ULK4: variants seen among roughly 807,000 people sequenced by gnomAD.
The protein encoded by ULK4 is inactive serine/threonine-protein kinase ULK4.
ULK4 carries 133 observed loss-of-function variants against 160.6 expected under a neutral mutation model. The observed-to-expected ratio is 0.83, with a 90% CI of 0.72 to 0.96. The LOEUF (loss-of-function observed/expected upper bound fraction) is 0.96. Ranked by LOEUF, ULK4 falls within the 40% of genes least tolerant of loss-of-function variation. The probability of loss-of-function intolerance (pLI) is 0.00; values close to 1 mark genes in which losing one functional copy is unlikely to be tolerated. For synonymous variants in ULK4, 534 were observed against 539.8 expected (o/e 0.99, Z 0.15); for missense variants, 1,580 against 1,499.5 (o/e 1.05, Z -0.89).
At chr3:41,824,533 C>T (rs1038421521) in intron 18 of ULK4, among the ~76,000 whole-genome samples, 10 of 152,298 alleles carry the variant, frequency 6.6e-5, no homozygotes, top group Admixed American at 5.9e-4. Context: ...ACGCCTGGCT[C>T]GGAGGGTCCT....
chr3:41,942,778 T>G (rs1006895398), intron 2 of ULK4, among the ~76,000 whole-genome samples: 1 of 151,968 alleles, frequency 6.6e-6, no homozygotes, highest in Non-Finnish European at 1.5e-5. Flanking sequence ...ATGGTGCCAT[T>G]GCACTCCAGT....
intron 12 of ULK4, among the ~76,000 whole-genome samples, chr3:41,906,284 G>C (rs1452561705): frequency 6.7e-6 from 1 of 149,872 alleles, no homozygotes; most frequent in African/African-American, 2.5e-5. Flanking sequence ...CAGCACTCTG[G>C]GAGGCTGAGA....
chr3:41,491,388 G>A (rs1174273555), intron 32 of ULK4, among the ~76,000 whole-genome samples: 7 of 152,134 alleles, frequency 4.6e-5, no homozygotes, highest in African/African-American at 7.2e-5. Context: ...CAATGACCAC[G>A]ACCATATATC....
rs192180232 is a variant in ULK4, at chr3:41,351,514, C to T, written c.3678+46565G>A. On this transcript the variant is annotated intron_variant, in intron 35 of 36. Coordinates refer to ENST00000301831, the MANE Select transcript of ULK4 (RefSeq NM_017886.4). ...TCTGAAATACTGAAAATTAGAACCT[C>T]CAGGGATTCCACAGTGGTTGGTATT... is the stretch of plus-strand genomic sequence containing the variant. 4.8e-3 allele frequency among the ~76,000 whole-genome samples: 727 copies of T among 152,326 alleles called. 7 individuals are homozygous for T. The highest frequency in any genetic ancestry group is 0.017 in the Middle Eastern group (5 of 294).
intron 35 of ULK4, among the ~76,000 whole-genome samples, chr3:41,312,879 GT>G (rs967073668): frequency 2.0e-5 from 3 of 152,156 alleles, no homozygotes; most frequent in African/African-American, 7.2e-5. Flanking sequence ...CCCCAGGAGG[GT>G]TTTTTTCTAG....
rs201424516 is a variant in ULK4, at chr3:41,961,550, A to ACCCCCC, written c.-49+460_-49+465dup. 1.4e-3 allele frequency among the ~76,000 whole-genome samples: 176 copies of ACCCCCC among 124,450 alleles called. 32 individuals are homozygous for ACCCCCC. Among genetic ancestry groups the ACCCCCC allele is most frequent in the African/African-American group, 6.0e-3 (140 of 23,308 alleles). 81.6% of individuals were successfully genotyped at this position (124,450 alleles called of 152,430 possible). A position where few individuals can be genotyped will look rare whatever the true frequency, so the allele number is the denominator to read the frequency against. ...ACTCAGGGGCGCTACGTAGTCACTC[A>ACCCCCC]CCCCCCCCCCCCCCCCCCCCGCTCC... On this transcript the variant is annotated intron_variant, in intron 1 of 36. Transcript: ENST00000301831.
At chr3:41,447,458 G>A (rs139800841) in intron 34 of ULK4, among the ~76,000 whole-genome samples, 1 of 151,984 alleles carries the variant, frequency 6.6e-6, no homozygotes, top group Non-Finnish European at 1.5e-5. Flanking sequence ...ATAACAAAAT[G>A]CCATTAAAAA....
At chr3:41,311,354 G>A (rs1392622317) in intron 35 of ULK4, among the ~76,000 whole-genome samples, 1 of 152,134 alleles carries the variant, frequency 6.6e-6, no homozygotes, top group Non-Finnish European at 1.5e-5. Context: ...TACAAGCACA[G>A]CTAGAGTATA....
chr3:41,657,775 C>T (rs564376904), intron 30 of ULK4, among the ~76,000 whole-genome samples: 260 of 142,666 alleles, frequency 1.8e-3, no homozygotes, highest in Non-Finnish European at 3.3e-3. Context: ...GAGATCACAC[C>T]ACTGCACTGC....
At chr3:41,507,368 G>A (rs28655658) in intron 32 of ULK4, among the ~76,000 whole-genome samples, 1 of 151,718 alleles carries the variant, frequency 6.6e-6, no homozygotes, top group African/African-American at 2.4e-5. Flanking sequence ...AGAAATACTA[G>A]GAAGCCATCA....
intron 2 of ULK4, among the ~76,000 whole-genome samples, chr3:41,949,335 C>CAA (rs1263029667): frequency 8.0e-5 from 12 of 150,612 alleles, no homozygotes; most frequent in African/African-American, 2.9e-4. Flanking sequence ...CACACACACA[C>CAA]AAAAAGTAAA....
Position 41,705,027 on chromosome 3 carries a change from G to C in ULK4, c.2781+30C>G, listed in dbSNP as rs761509673. 14 of 1,546,274 alleles carry C rather than the reference G, an allele frequency of 9.1e-6. No homozygotes were observed. In the South Asian group the frequency reaches 1.5e-4, roughly 17 times the overall value. On this transcript the variant is annotated intron_variant, in intron 27 of 36. Coordinates refer to ENST00000301831, the MANE Select transcript of ULK4 (RefSeq NM_017886.4). ...AGGAATTACCAAGTAAATTTAAAAG[G>C]AGCTTTTTTCAAAAGCTGCCAGAAC...
intron 22 of ULK4, among the ~76,000 whole-genome samples, chr3:41,738,333 G>GT (rs564247607): frequency 2.0e-5 from 3 of 151,640 alleles, no homozygotes; most frequent in East Asian, 1.9e-4. Context: ...CTTGGCAAAG[G>GT]TTTTTTTTCT....
rs2081496554 is a variant in ULK4, at chr3:41,376,427, T to C, written c.3678+21652A>G. ...AGAAAATGTGGCGGAAAAGAGGAAA[T>C]CAAATTGTCCCTCTTTGCAGACGAC... On this transcript the variant is annotated intron_variant, in intron 35 of 36. Coordinates refer to ENST00000301831, the MANE Select transcript of ULK4 (RefSeq NM_017886.4). 2.0e-5 allele frequency among the ~76,000 whole-genome samples: 3 copies of C among 149,964 alleles called. No individual in the cohort carries two copies. The South Asian group carries it at 6.5e-4, about 33-fold the overall frequency.
At chr3:41,647,559 G>T (rs1212052759) in intron 30 of ULK4, among the ~76,000 whole-genome samples, 1 of 152,202 alleles carries the variant, frequency 6.6e-6, no homozygotes, top group Admixed American at 6.5e-5. Context: ...TGGAAGTTTT[G>T]TCTCAGAGGA....
intron 30 of ULK4, among the ~76,000 whole-genome samples, chr3:41,625,968 T>C (rs1167856789): frequency 1.3e-5 from 2 of 152,224 alleles, no homozygotes; most frequent in Non-Finnish European, 2.9e-5. Flanking sequence ...TAACTCCAGA[T>C]GGGTAAACTA....
intron 12 of ULK4, among the ~76,000 whole-genome samples, chr3:41,906,378 A>T (rs2148797603): frequency 6.6e-6 from 1 of 152,184 alleles, no homozygotes; most frequent in Non-Finnish European, 1.5e-5. Context: ...TTTTTTGTAA[A>T]CTTAGCCGGG....
chr3:41,304,289 A>G (rs2079859110), intron 35 of ULK4, among the ~76,000 whole-genome samples: 1 of 151,588 alleles, frequency 6.6e-6, no homozygotes, highest in Admixed American at 6.6e-5. Flanking sequence ...AAAAAAAAAA[A>G]AGAGACAACA....
At chr3:41,515,284 T>C (rs1028878239) in intron 32 of ULK4, among the ~76,000 whole-genome samples, 5 of 151,580 alleles carry the variant, frequency 3.3e-5, no homozygotes, top group Admixed American at 6.6e-5. Flanking sequence ...AGAAAAGATA[T>C]GCTGAAGAAA....
Sources: gnomAD v4.1 joint callset for allele counts (sites outside exome capture counted in the v4.1 genomes callset) on GRCh38, gnomAD v4.1.1 for gene constraint, MANE v1.5 for transcripts, NCBI Gene and HGNC (gene_info 2026-07-23, HGNC 2026-07-21) for gene names.